MGST2: variants seen among roughly 807,000 people sequenced by gnomAD.
MGST2 encodes glutathione peroxidase MGST2.
MGST2 carries 9 observed loss-of-function variants against 16.6 expected under a neutral mutation model. The ratio of observed to expected loss-of-function variants is 0.54; its 90% CI spans 0.33 to 0.95. MGST2 has a LOEUF of 0.95. MGST2 is among the 40% of genes least tolerant of loss of function. The probability of loss-of-function intolerance (pLI) is 0.03; values close to 1 mark genes in which losing one functional copy is unlikely to be tolerated. For missense variants in MGST2, 159 were observed against 175.1 expected, an observed-to-expected ratio of 0.91 and a Z score of 0.52; for synonymous variants, 79 against 68.0, an observed-to-expected ratio of 1.16 and a Z score of -0.79.
At chr4:139,700,275 G>C (rs1027079819) in intron 3 of MGST2, among the ~76,000 whole-genome samples, 6 of 151,698 alleles carry the variant, frequency 4.0e-5, no homozygotes, top group African/African-American at 1.5e-4. Context: ...GGGACTATAG[G>C]TGCCTGCCAC....
At chr4:139,739,850 A>G (rs909219806) in intron 5 of MGST2, among the ~76,000 whole-genome samples, 5 of 151,812 alleles carry the variant, frequency 3.3e-5, no homozygotes, top group Admixed American at 1.3e-4. Flanking sequence ...TATTACTTTT[A>G]GTATTATTTT....
chr4:139,671,038 C>A (rs1173523146), intron 1 of MGST2, among the ~76,000 whole-genome samples: 1 of 152,182 alleles, frequency 6.6e-6, no homozygotes, highest in African/African-American at 2.4e-5. Flanking sequence ...TGACTTAACC[C>A]TTGCCTTGTA....
downstream of MGST2, among the ~76,000 whole-genome samples, chr4:139,704,814 C>T (rs1252030404): frequency 3.3e-5 from 5 of 152,066 alleles, no homozygotes; most frequent in East Asian, 3.9e-4. Flanking sequence ...CCTAGCTACT[C>T]GGGAGGCTGA....
At chr4:139,693,172 C>G (rs1322647170) in intron 2 of MGST2, among the ~76,000 whole-genome samples, 1 of 151,628 alleles carries the variant, frequency 6.6e-6, no homozygotes, top group Non-Finnish European at 1.5e-5. Flanking sequence ...AATCCCAGCA[C>G]TTTGGGAGGC....
chr4:139,716,382 T>C (rs1727960710), intron 5 of MGST2, among the ~76,000 whole-genome samples: 1 of 152,164 alleles, frequency 6.6e-6, no homozygotes, highest in East Asian at 1.9e-4. Flanking sequence ...ATATTCCGAT[T>C]TTTCTTTTTT....
the MGST2 span, among the ~76,000 whole-genome samples, chr4:139,751,173 C>A: frequency 6.6e-6 from 1 of 152,324 alleles, no homozygotes; most frequent in Non-Finnish European, 1.5e-5. Flanking sequence ...TCCCATGTCC[C>A]TGTCTAAATA....
chr4:139,715,311 C>T lies in MGST2; in HGVS notation c.*48+11115C>T, dbSNP rs982115211. ...GGGTGTCTCCCCAGTATCGTCCCAT[C>T]GTTCTCCAGAAATATGTTAGAGGAC... On this transcript the variant is annotated intron_variant, in intron 5 of 5. Transcript: ENST00000616265. The surrounding 1 kb of genome is among the most constrained non-coding windows in gnomAD (Gnocchi z 4.4). Among the ~76,000 whole-genome samples the T allele has an allele frequency of 2.0e-5, 3 of 152,156 alleles. No individual in the cohort carries two copies. Among genetic ancestry groups the T allele is most frequent in the Non-Finnish European group, 2.9e-5 (2 of 68,038 alleles).
intron 2 of MGST2, among the ~76,000 whole-genome samples, chr4:139,688,088 T>C (rs1726344509): frequency 6.6e-6 from 1 of 152,204 alleles, no homozygotes; most frequent in Non-Finnish European, 1.5e-5. Flanking sequence ...TTAAATACAT[T>C]TCCTCTGATT....
rs568546204 is a variant in MGST2, at chr4:139,669,892, T to C, written c.58+3815T>C. On this transcript the variant is annotated intron_variant, in intron 1 of 4. Coordinates refer to ENST00000265498, the MANE Select transcript of MGST2 (RefSeq NM_002413.5). ...TCTTTTGAGTGGTAGTAAACAATTA[T>C]TAGGGAGAATGAATGGACTGGGAGA... Among the ~76,000 whole-genome samples, 26 of 152,300 alleles carry C rather than the reference T, an allele frequency of 1.7e-4. No individual in the cohort carries two copies. In the East Asian group the frequency reaches 3.7e-3, roughly 21 times the overall value.
chr4:139,689,830 G>A (rs533369419), intron 2 of MGST2, among the ~76,000 whole-genome samples: 2 of 152,124 alleles, frequency 1.3e-5, no homozygotes, highest in Non-Finnish European at 2.9e-5. Context: ...TATTGTGTTC[G>A]TTGGACACGG....
chr4:139,717,764 A>AG (rs1189405961), intron 5 of MGST2: 1 of 152,202 alleles, frequency 6.6e-6, no homozygotes, highest in Non-Finnish European at 1.5e-5. Context: ...CGGAGGGAGG[A>AG]GGGGACAGGA....
chr4:139,694,938 C>G (rs549244711), intron 2 of MGST2, among the ~76,000 whole-genome samples: 1 of 152,254 alleles, frequency 6.6e-6, no homozygotes, highest in South Asian at 2.1e-4. Context: ...GCTCAGGAGG[C>G]CTGTCTTTTG....
At position 139,678,586 on chromosome 4, in the gene MGST2, A is replaced by G; in HGVS notation, c.102A>G (p.Lys34=). Residue 34 remains lysine (K), a synonymous_variant, in exon 2 of 5, where the codon AAA becomes AAG. Coordinates refer to ENST00000265498, the MANE Select transcript of MGST2 (RefSeq NM_002413.5). ...TTGGAAAGGCAAGATTAAAATACAAAGTTACGCCCCCAGCAGTCACTGGGT... is the reference window on the plus strand; with the variant it reads ...TTGGAAAGGCAAGATTAAAATACAAGGTTACGCCCCCAGCAGTCACTGGGT... ...LQVGKARLKY[K]VTPPAVTGSP... 6.2e-7 allele frequency: 1 copy of G among 1,614,188 alleles called. No individual in the cohort carries two copies. Among genetic ancestry groups the G allele is most frequent in the Non-Finnish European group, 8.5e-7 (1 of 1,180,020 alleles).
chr4:139,673,091 T>C (rs185186074), intron 1 of MGST2, among the ~76,000 whole-genome samples: 3 of 152,272 alleles, frequency 2.0e-5, no homozygotes, highest in Admixed American at 2.0e-4. Flanking sequence ...TGTGGAATTT[T>C]AAAAGGAAAC....
chr4:139,716,146 T>TG lies in MGST2; in HGVS notation c.*48+11950_*48+11951insG, dbSNP rs1289351743. ...GGAGCAAAATTATATCTGAGTTTGT[T>TG]CAGACAAGTCAACTGGGCTTTTATA... On this transcript the variant is annotated intron_variant, in intron 5 of 5. Transcript: ENST00000616265. 1.8e-4 allele frequency among the ~76,000 whole-genome samples: 28 copies of TG among 152,280 alleles called. No individual in the cohort carries two copies. In the Middle Eastern group the frequency reaches 0.017, roughly 92 times the overall value.
intron 3 of MGST2, among the ~76,000 whole-genome samples, chr4:139,699,099 T>C (rs1727101846): frequency 6.6e-6 from 1 of 152,264 alleles, no homozygotes; most frequent in African/African-American, 2.4e-5. Flanking sequence ...TTTACTGCGA[T>C]ACGCAATTTT....
intron 5 of MGST2, chr4:139,725,968 C>T (rs1011599961): frequency 1.6e-5 from 11 of 698,254 alleles, no homozygotes; most frequent in Admixed American, 4.5e-5. Context: ...CATATGCATA[C>T]AGGCAAGTGC....
At chr4:139,726,095 T>C (rs975691214) in intron 5 of MGST2, among the ~76,000 whole-genome samples, 1 of 152,202 alleles carries the variant, frequency 6.6e-6, no homozygotes, top group African/African-American at 2.4e-5. Flanking sequence ...CTTCCAGTCA[T>C]CACTCTCCCT....
At chr4:139,705,683 C>G (rs1370336178), downstream of MGST2, 1 of 152,078 alleles carries the variant, frequency 6.6e-6, no homozygotes, top group African/African-American at 2.4e-5. Flanking sequence ...AGGAATTGCC[C>G]AGGGACAAGT....
Sources: allele counts gnomAD v4.1 joint callset (sites outside exome capture counted in the v4.1 genomes callset), GRCh38; gene constraint gnomAD v4.1.1; non-coding constraint Gnocchi (gnomAD v3.1); transcripts MANE v1.5; gene names NCBI Gene and HGNC (gene_info 2026-07-23, HGNC 2026-07-21).